Variants in ADGRB3 observed in about 807,000 individuals in gnomAD.
ADGRB3 encodes adhesion G protein-coupled receptor B3.
In ADGRB3, 37 loss-of-function variants were observed where a neutral mutation model predicts 193.4. The ratio of observed to expected loss-of-function variants is 0.19; its 90% CI spans 0.15 to 0.25. The LOEUF is 0.25. ADGRB3 is among the 10% of genes least tolerant of loss of function. The pLI is 1.00. For missense variants in ADGRB3, 1,637 were observed against 1,852.9 expected (o/e 0.88, Z 2.14); for synonymous variants, 690 against 644.2 (o/e 1.07, Z -1.08).
intron 3 of ADGRB3, among the ~76,000 whole-genome samples, chr6:68,822,789 A>G (rs1437049108): frequency 6.6e-6 from 1 of 152,006 alleles, no homozygotes; most frequent in Non-Finnish European, 1.5e-5. Context: ...GAGCCACTTC[A>G]TTTTAGATTC....
chr6:69,178,111 C>T (rs1159328886), intron 17 of ADGRB3, among the ~76,000 whole-genome samples: 3 of 152,158 alleles, frequency 2.0e-5, no homozygotes, highest in African/African-American at 7.2e-5. Flanking sequence ...AATCTGGGTG[C>T]TCCAATGTGG....
At chr6:69,119,269 GATGAAGAGAATGA>G (rs1773619661) in intron 17 of ADGRB3, among the ~76,000 whole-genome samples, 1 of 152,178 alleles carries the variant, frequency 6.6e-6, no homozygotes, top group Admixed American at 6.5e-5. Context: ...TAAAATGTTA[GATGAAGAGAATGA>G]ATTATTCATT....
chr6:68,739,183 C>T (rs560013361), intron 3 of ADGRB3, among the ~76,000 whole-genome samples: 72 of 152,136 alleles, frequency 4.7e-4, no homozygotes, highest in African/African-American at 1.7e-3. Flanking sequence ...AGGTAGAAGG[C>T]TGAATGACCT....
intron 17 of ADGRB3, among the ~76,000 whole-genome samples, chr6:69,193,836 A>G (rs1184246861): frequency 2.0e-5 from 3 of 152,100 alleles, no homozygotes; most frequent in African/African-American, 7.2e-5. Flanking sequence ...TTAAGATGAC[A>G]TTATTTCAGG....
At chr6:69,313,163 G>T (rs1424900903) in intron 20 of ADGRB3, among the ~76,000 whole-genome samples, 3 of 151,802 alleles carry the variant, frequency 2.0e-5, no homozygotes, top group Non-Finnish European at 4.4e-5. Flanking sequence ...ATCACCTGAG[G>T]CACCTTAGCA....
At position 68,930,575 on chromosome 6, in the gene ADGRB3, AG is replaced by A; in HGVS notation, c.775del (p.Asp259IlefsTer72). On this transcript the variant is annotated frameshift_variant, in exon 4 of 32. Transcript: ENST00000370598. LOFTEE classifies it high-confidence loss of function. ...TGTCTTTAGAATTTGGAATGATGGG[AG>A]ATCATACAATTAAAAGTCAGCGACC... ...PPKEEFGMMG[D>X]HTIKSQRPRS... The A allele has an allele frequency of 6.2e-7, 1 of 1,611,150 alleles. No homozygotes were observed. The highest frequency in any genetic ancestry group is 8.5e-7 in the Non-Finnish European group (1 of 1,178,180).
At chr6:69,047,868 T>A (rs1771281305) in intron 13 of ADGRB3, among the ~76,000 whole-genome samples, 1 of 152,182 alleles carries the variant, frequency 6.6e-6, no homozygotes, top group Non-Finnish European at 1.5e-5. Flanking sequence ...TATGAGTTTC[T>A]AACAATTAAA....
At chr6:69,346,698 AAAC>A (rs1161513316) in intron 26 of ADGRB3, among the ~76,000 whole-genome samples, 2 of 152,164 alleles carry the variant, frequency 1.3e-5, no homozygotes, top group Non-Finnish European at 2.9e-5. Flanking sequence ...AAAAGTCAGG[AAAC>A]AACAGATGCT....
intron 17 of ADGRB3, among the ~76,000 whole-genome samples, chr6:69,146,121 C>A (rs897701282): frequency 2.6e-5 from 4 of 152,162 alleles, no homozygotes; most frequent in African/African-American, 9.7e-5. Context: ...GGTGCCCAGG[C>A]TGTTAGTGCT....
intron 3 of ADGRB3, among the ~76,000 whole-genome samples, chr6:68,922,644 C>A (rs142168018): frequency 6.6e-6 from 1 of 152,090 alleles, no homozygotes; most frequent in African/African-American, 2.4e-5. Context: ...TATAAGGAGA[C>A]CTTAGAGATC....
chr6:69,291,920 G>C (rs968164884), intron 20 of ADGRB3, among the ~76,000 whole-genome samples: 1 of 152,058 alleles, frequency 6.6e-6, no homozygotes, highest in Non-Finnish European at 1.5e-5. Context: ...CCTCATGTGA[G>C]AGGTGCCCTC....
At chr6:68,800,929 C>G (rs1165281841) in intron 3 of ADGRB3, among the ~76,000 whole-genome samples, 3 of 152,098 alleles carry the variant, frequency 2.0e-5, no homozygotes, top group Non-Finnish European at 2.9e-5. Context: ...AACTTCAGAG[C>G]CAGGGTGCCC....
rs986935684 is a variant in ADGRB3 at position 68,975,272 on chromosome 6, G to C, written c.1666G>C (p.Val556Leu). The C allele has an allele frequency of 6.2e-7, 1 of 1,613,866 alleles. No individual in the cohort carries two copies. The highest frequency in any genetic ancestry group is 1.3e-5 in the African/African-American group (1 of 74,890). ...SRRCSLSLHG[V>L]AFWEQPSFAR... ...ACGCTGCTCTCTCAGTCTTCATGGA[G>C]TGGCCTTCTGGGAACAGCCGAGCTT... The change falls in exon 10 of 32, where the codon GTG becomes CTG. Residue 556 changes from valine to leucine, a missense_variant. Transcript: ENST00000370598.
chr6:68,799,055 T>C (rs565475143), intron 3 of ADGRB3, among the ~76,000 whole-genome samples: 2 of 152,088 alleles, frequency 1.3e-5, no homozygotes, highest in African/African-American at 4.8e-5. Flanking sequence ...AACAGACTTA[T>C]ATAATAGAAA....
At chr6:68,974,451 G>C (rs1768680420) in intron 8 of ADGRB3, among the ~76,000 whole-genome samples, 1 of 152,024 alleles carries the variant, frequency 6.6e-6, no homozygotes, top group Non-Finnish European at 1.5e-5. Context: ...AACATAAGGA[G>C]ACCCTTTCTC....
intron 26 of ADGRB3, among the ~76,000 whole-genome samples, chr6:69,350,981 C>CTATTCTG (rs1561995902): frequency 6.6e-6 from 1 of 151,892 alleles, no homozygotes; most frequent in African/African-American, 2.4e-5. Flanking sequence ...CTGAAGTATT[C>CTATTCTG]TATTCTGTGA....
intron 20 of ADGRB3, among the ~76,000 whole-genome samples, chr6:69,275,904 G>GT (rs1007620077): frequency 2.0e-5 from 3 of 151,950 alleles, no homozygotes; most frequent in African/African-American, 4.8e-5. Context: ...TCAGATATTT[G>GT]TTTTTTTAAA....
At chr6:69,196,506 T>G (rs1765299591) in intron 17 of ADGRB3, among the ~76,000 whole-genome samples, 1 of 152,148 alleles carries the variant, frequency 6.6e-6, no homozygotes, top group Non-Finnish European at 1.5e-5. Context: ...TCTTACTTTA[T>G]CTTTACATAG....
chr6:69,240,212 G>C (rs1766355415), intron 20 of ADGRB3, among the ~76,000 whole-genome samples: 2 of 151,948 alleles, frequency 1.3e-5, no homozygotes, highest in Admixed American at 1.3e-4. Flanking sequence ...CCCAATTCTA[G>C]GTCCGGGTAG....
Sources: gnomAD v4.1 joint callset for allele counts (sites outside exome capture counted in the v4.1 genomes callset) on GRCh38, gnomAD v4.1.1 for gene constraint, MANE v1.5 for transcripts, NCBI Gene and HGNC (gene_info 2026-07-23, HGNC 2026-07-21) for gene names.